Variants in FBXL18 observed in about 807,000 individuals in gnomAD.
The protein encoded by FBXL18 is F-box/LRR-repeat protein 18.
A neutral mutation model predicts 46.0 loss-of-function variants in FBXL18; 36 were observed. The observed-to-expected ratio is 0.78, with a 90% CI of 0.60 to 1.03. The LOEUF (loss-of-function observed/expected upper bound fraction) is 1.03. Among genes scored for constraint, FBXL18 ranks in the 50% least tolerant of loss-of-function variants. The pLI is 0.00. For synonymous variants in FBXL18, 557 were observed against 465.3 expected, an observed-to-expected ratio of 1.20 and a Z score of -2.54; for missense variants, 977 against 1,004.1, an observed-to-expected ratio of 0.97 and a Z score of 0.36.
intron 4 of FBXL18, among the ~76,000 whole-genome samples, chr7:5,484,206 G>T (rs560158634): frequency 6.6e-6 from 1 of 152,058 alleles, no homozygotes; most frequent in Admixed American, 6.5e-5. Flanking sequence ...GGTGGCTCAC[G>T]CCTGTAATCC....
At chr7:5,483,721 G>A (rs1004844199) in intron 4 of FBXL18, among the ~76,000 whole-genome samples, 1 of 151,258 alleles carries the variant, frequency 6.6e-6, no homozygotes, top group African/African-American at 2.4e-5. Flanking sequence ...TCCAGCCTGG[G>A]CAACAAGAGC....
At chr7:5,508,264 CAA>C (rs35577676) in intron 1 of FBXL18, among the ~76,000 whole-genome samples, 9 of 124,758 alleles carry the variant, frequency 7.2e-5, no homozygotes, top group Non-Finnish European at 3.4e-5. Context: ...GACTCCATCT[CAA>C]AAAAAAAAAA....
At chr7:5,468,704 G>C (rs1374643874) in intron 4 of FBXL18, among the ~76,000 whole-genome samples, 1 of 151,972 alleles carries the variant, frequency 6.6e-6, no homozygotes, top group East Asian at 1.9e-4. Context: ...GGGCTCAAAC[G>C]ATCCTCCCAC....
At chr7:5,459,737 C>A (rs13226609) in intron 4 of FBXL18, among the ~76,000 whole-genome samples, 28,627 of 144,972 alleles carry the variant, frequency 0.2, 3,747 homozygotes, top group East Asian at 0.75. Flanking sequence ...GAGACTCCAT[C>A]TCAAAAAAAA....
intron 4 of FBXL18, among the ~76,000 whole-genome samples, chr7:5,456,639 G>GA (rs11442038): frequency 0.44 from 61,288 of 139,930 alleles, 14,305 homozygotes; most frequent in Non-Finnish European, 0.52. Context: ...TTAAGGTATG[G>GA]AAAAAAAAAA....
chr7:5,511,069 G>C (rs967366697), intron 1 of FBXL18, among the ~76,000 whole-genome samples: 2 of 152,158 alleles, frequency 1.3e-5, no homozygotes, highest in African/African-American at 4.8e-5. Context: ...ATGTTGCCCA[G>C]GCTGGTCTCA....
intron 3 of FBXL18, among the ~76,000 whole-genome samples, chr7:5,493,824 CTT>C (rs911146828): frequency 8.6e-5 from 13 of 151,726 alleles, no homozygotes; most frequent in Non-Finnish European, 2.9e-5. Context: ...AGTTAATTTT[CTT>C]TTAATTGATT....
rs1240409838 is a variant in FBXL18, at chr7:5,475,878, T to C, written c.*5897A>G. 6.6e-6 allele frequency: 1 copy of C among 152,252 alleles called. No individual in the cohort carries two copies. The highest frequency in any genetic ancestry group is 1.9e-4 in the East Asian group (1 of 5,204). 9.4% of individuals were successfully genotyped at this position (152,252 alleles called of 1,614,324 possible). On this transcript the variant is annotated 3_prime_UTR_variant, in exon 5 of 5. Coordinates refer to ENST00000382368, the MANE Select transcript of FBXL18 (RefSeq NM_024963.6). This position sits in a 1 kb window ranked among gnomAD's most constrained non-coding sequence, Gnocchi z 4.2. The stretch of plus-strand genomic sequence containing the variant: ...ATGAAAATTCCCATCCAGAATGTAG[T>C]TTGCTACAGTGAACACCAATGTCAG...
chr7:5,464,760 T>TA (rs11440747), intron 4 of FBXL18, among the ~76,000 whole-genome samples: 84,561 of 133,576 alleles, frequency 0.63, 27,429 homozygotes, highest in East Asian at 0.9. Context: ...GTTTGGATAT[T>TA]AAAAAAAAAA....
At chr7:5,505,307 T>C (rs1784366339) in intron 2 of FBXL18, 105 bp downstream of exon 2, 1 of 1,091,260 alleles carries the variant, frequency 9.2e-7, no homozygotes. Flanking sequence ...TTGGAGTTCC[T>C]GCCACCTTTA....
chr7:5,460,296 T>G (rs902509390), intron 4 of FBXL18, among the ~76,000 whole-genome samples: 46 of 152,058 alleles, frequency 3.0e-4, no homozygotes, highest in African/African-American at 1.1e-3. Flanking sequence ...CATAGTGAAA[T>G]AGGGCTACTA....
downstream of FBXL18, among the ~76,000 whole-genome samples, chr7:5,471,438 A>G (rs954005941): frequency 3.3e-5 from 5 of 151,922 alleles, no homozygotes; most frequent in East Asian, 1.9e-4. Flanking sequence ...CACCACACCC[A>G]GTTAATTTTT....
rs904433981 is a variant in FBXL18, at chr7:5,468,255, T to C, written c.2001-20412A>G. ...GCCTCGGCCTCCCAAAGTGCTGGGA[T>C]TACAGGCATGACCCACTGCGCCGAG... On this transcript the variant is annotated intron_variant and NMD_transcript_variant, in intron 4 of 6. Transcript: ENST00000415009. Among the ~76,000 whole-genome samples the C allele has an allele frequency of 2.6e-5, 4 of 152,270 alleles. No individual in the cohort carries two copies. In the East Asian group the frequency reaches 5.8e-4, roughly 22 times the overall value.
At chr7:5,491,101 CCT>C in intron 4 of FBXL18, 128 bp downstream of exon 4, 1 of 838,796 alleles carries the variant, frequency 1.2e-6, no homozygotes, top group Admixed American at 2.5e-5. Flanking sequence ...TTGCTTTCAC[CCT>C]GTCACTGCCT....
chr7:5,492,320 GC>G (rs1168888255), intron 3 of FBXL18, among the ~76,000 whole-genome samples: 2 of 151,666 alleles, frequency 1.3e-5, no homozygotes, highest in African/African-American at 4.8e-5. Flanking sequence ...GGCCCGGGGG[GC>G]CCTTGGAGAA....
At chr7:5,457,410 G>T (rs376170490) in intron 4 of FBXL18, among the ~76,000 whole-genome samples, 2 of 152,198 alleles carry the variant, frequency 1.3e-5, no homozygotes, top group African/African-American at 4.8e-5. Flanking sequence ...GATCAAGCTC[G>T]ACCTGAAGCC....
intron 3 of FBXL18, 146 bp from the exon 4 acceptor site, chr7:5,491,595 C>A (rs1584218473): frequency 2.9e-6 from 2 of 694,020 alleles, no homozygotes. Context: ...TACCACTATC[C>A]CTTGGAGTAC....
chr7:5,503,841 CCTGTAATCCCAGCTA>C (rs1159065933), intron 2 of FBXL18, among the ~76,000 whole-genome samples: 1 of 152,024 alleles, frequency 6.6e-6, no homozygotes, highest in African/African-American at 2.4e-5. Context: ...GTGGCAGGCG[CCTGTAATCCCAGCTA>C]CTCAGAAGGC....
At chr7:5,463,465 T>TA (rs997970374) in intron 4 of FBXL18, among the ~76,000 whole-genome samples, 1 of 150,988 alleles carries the variant, frequency 6.6e-6, no homozygotes. Context: ...ACAAAATATT[T>TA]AAAATTAGAT....
Sources: allele counts gnomAD v4.1 joint callset (sites outside exome capture counted in the v4.1 genomes callset), GRCh38; gene constraint gnomAD v4.1.1; non-coding constraint Gnocchi (gnomAD v3.1); transcripts MANE v1.5; gene names NCBI Gene and HGNC (gene_info 2026-07-23, HGNC 2026-07-21).